MYLK: variants seen among roughly 807,000 people sequenced by gnomAD.
MYLK encodes myosin light chain kinase, also known as myosin light chain kinase, smooth muscle.
In MYLK, 106 loss-of-function variants were observed where a neutral mutation model predicts 203.4. The observed-to-expected ratio is 0.52, with a 90% CI of 0.45 to 0.61. The LOEUF (loss-of-function observed/expected upper bound fraction) is 0.61. Ranked by LOEUF, MYLK falls within the 20% of genes least tolerant of loss-of-function variation. The probability of loss-of-function intolerance (pLI) is 0.00; values close to 1 mark genes in which losing one functional copy is unlikely to be tolerated. For synonymous variants in MYLK, 867 were observed against 959.5 expected (o/e 0.90, Z 1.78); for missense variants, 2,072 against 2,442.3 (o/e 0.85, Z 3.20).
At position 123,794,146 on chromosome 3, in the gene MYLK, G is replaced by A. The variant is rs573203396; in HGVS notation, c.-3-302C>T. On this transcript the variant is annotated intron_variant, in intron 3 of 33. Transcript: ENST00000360304. ...TTCACTGACCCCTTCTTCTAGGAAA[G>A]GGGAAGCTGGGGACAAGAATGGAGA... Among the ~76,000 whole-genome samples the A allele has an allele frequency of 3.9e-5, 6 of 152,374 alleles. No individual in the cohort carries two copies. In the South Asian group the frequency reaches 1.2e-3, roughly 32 times the overall value.
At chr3:123,787,988 C>G (rs1251114890) in intron 4 of MYLK, among the ~76,000 whole-genome samples, 1 of 152,210 alleles carries the variant, frequency 6.6e-6, no homozygotes, top group Non-Finnish European at 1.5e-5. Flanking sequence ...GGAGACAAGG[C>G]TGGAGGGTGA....
chr3:123,668,928 A>G (rs1342227600), intron 20 of MYLK, among the ~76,000 whole-genome samples: 2 of 152,218 alleles, frequency 1.3e-5, no homozygotes, highest in Non-Finnish European at 2.9e-5. Flanking sequence ...GGCCTGGCAC[A>G]CAATAACGAT....
chr3:123,623,941 T>G (rs1224870242), intron 31 of MYLK: 1 of 152,206 alleles, frequency 6.6e-6, no homozygotes, highest in Non-Finnish European at 1.5e-5. Context: ...TACTAAAATA[T>G]AAAATTAAGG....
intron 3 of MYLK, among the ~76,000 whole-genome samples, chr3:123,819,563 AG>A (rs1425981060): frequency 1.3e-5 from 2 of 152,220 alleles, no homozygotes; most frequent in Non-Finnish European, 2.9e-5. Context: ...GACCCTTCAC[AG>A]CTATTAGCAA....
intron 2 of MYLK, among the ~76,000 whole-genome samples, chr3:123,842,990 A>T (rs2066630151): frequency 6.6e-6 from 1 of 152,166 alleles, no homozygotes; most frequent in African/African-American, 2.4e-5. Context: ...GAACCCACAC[A>T]CTCTGATATT....
At chr3:123,697,612 C>T (rs1360959097) in intron 18 of MYLK, among the ~76,000 whole-genome samples, 1 of 152,176 alleles carries the variant, frequency 6.6e-6, no homozygotes, top group African/African-American at 2.4e-5. Flanking sequence ...TTGCATTTGG[C>T]AAGGTACTTA....
chr3:123,656,242 A>G (rs1016849964), intron 24 of MYLK, among the ~76,000 whole-genome samples: 4 of 152,172 alleles, frequency 2.6e-5, no homozygotes, highest in African/African-American at 7.2e-5. Flanking sequence ...TCTGCTTGCT[A>G]AGAAGCTCCC....
intron 31 of MYLK, 113 bp downstream of exon 31, chr3:123,626,705 G>A: frequency 6.5e-7 from 1 of 1,528,912 alleles, no homozygotes; most frequent in Non-Finnish European, 9.0e-7. Context: ...GACTACTTCA[G>A]AAATAAATTT....
In MYLK at chr3:123,629,890, C is replaced by T. The variant is rs1281309070; in HGVS notation, c.4962-264G>A. ...CAGGTTGGCTTTAGATTACGGGCTT[C>T]TGCAGGGTACGCGGCAGGGCTGATA... On this transcript the variant is annotated intron_variant, in intron 29 of 33. Coordinates refer to ENST00000360304, the MANE Select transcript of MYLK (RefSeq NM_053025.4). This position sits in a 1 kb window ranked among gnomAD's most constrained non-coding sequence, Gnocchi z 4.4. 1.2e-5 allele frequency: 6 copies of T among 509,014 alleles called. No individual in the cohort carries two copies. Among genetic ancestry groups the T allele is most frequent in the Non-Finnish European group, 3.6e-6 (1 of 279,654 alleles). The allele number at this position is 509,014 out of a possible 1,614,324, so 31.5% of individuals were successfully genotyped here.
At chr3:123,696,721 C>A (rs766955956) in intron 18 of MYLK, among the ~76,000 whole-genome samples, 5 of 151,562 alleles carry the variant, frequency 3.3e-5, no homozygotes, top group Non-Finnish European at 5.9e-5. Context: ...CTAGGCCTCA[C>A]CATCTTCCTC....
chr3:123,760,449 A>G, intron 4 of MYLK, among the ~76,000 whole-genome samples: 1 of 152,228 alleles, frequency 6.6e-6, no homozygotes, highest in South Asian at 2.1e-4. Flanking sequence ...AAGTGCTGGG[A>G]TTACAGGCAT....
intron 2 of MYLK, among the ~76,000 whole-genome samples, chr3:123,837,512 A>T (rs1172928053): frequency 6.8e-6 from 1 of 147,642 alleles, no homozygotes; most frequent in African/African-American, 2.5e-5. Flanking sequence ...TATTACATAT[A>T]ATATATAATT....
intron 3 of MYLK, chr3:123,814,218 A>G: frequency 4.1e-6 from 1 of 243,744 alleles, no homozygotes; most frequent in Non-Finnish European, 8.3e-6. Context: ...AGCCTCTAGA[A>G]AAACAAAAGA....
At chr3:123,729,267 A>C (rs910276735) in intron 11 of MYLK, among the ~76,000 whole-genome samples, 4 of 152,252 alleles carry the variant, frequency 2.6e-5, no homozygotes, top group Non-Finnish European at 4.4e-5. Flanking sequence ...GAAAAGTATT[A>C]GTTCAAGGCA....
Position 123,700,826 on chromosome 3 carries a change from T to C in MYLK, c.2642A>G (p.Gln881Arg). ...GVLKRRVETR[Q>R]HTEEAIRQQE... ...CTGGCGGATCGCCTCCTCAGTGTGCTGCCTCGTCTCCACGCGCCTCTTCAG... is the reference window on the plus strand; with the variant it reads ...CTGGCGGATCGCCTCCTCAGTGTGCCGCCTCGTCTCCACGCGCCTCTTCAG... The change falls in exon 18 of 34, where the codon CAG (glutamine) becomes CGG (arginine). Residue 881 changes from glutamine to arginine, a missense_variant. Physicochemically the swap from Gln to Arg is conservative, Grantham distance 43. This residue lies in a region of MYLK where 865 missense variants were observed against 1,016.0 expected (regional missense o/e 0.85). Transcript: ENST00000360304. 6.2e-7 allele frequency: 1 copy of C among 1,614,178 alleles called. No individual in the cohort carries two copies. The highest frequency in any genetic ancestry group is 8.5e-7 in the Non-Finnish European group (1 of 1,180,040).
chr3:123,663,168 A>C (rs1041986422), intron 23 of MYLK, among the ~76,000 whole-genome samples: 2 of 152,166 alleles, frequency 1.3e-5, no homozygotes, highest in Non-Finnish European at 2.9e-5. Flanking sequence ...ACATGACAAC[A>C]GCGGGAGACT....
chr3:123,735,330 T>C, intron 9 of MYLK, 68 bp downstream of exon 9: 1 of 1,593,092 alleles, frequency 6.3e-7, no homozygotes, highest in Middle Eastern at 1.7e-4. Flanking sequence ...ATTCAGGGCA[T>C]TTCTCGGTAA....
At chr3:123,883,915 C>T (rs989173813) in intron 1 of MYLK, among the ~76,000 whole-genome samples, 11 of 152,128 alleles carry the variant, frequency 7.2e-5, no homozygotes, top group Admixed American at 3.9e-4. Context: ...GGGTCCGCTT[C>T]TCCTCCGCCC....
At chr3:123,839,204 T>C (rs968237732) in intron 2 of MYLK, among the ~76,000 whole-genome samples, 1 of 152,180 alleles carries the variant, frequency 6.6e-6, no homozygotes, top group Non-Finnish European at 1.5e-5. Context: ...GTAGTTTTAA[T>C]CCAATCATAT....
Sources: gnomAD v4.1 joint callset for allele counts (sites outside exome capture counted in the v4.1 genomes callset) on GRCh38, gnomAD v4.1.1 for gene constraint, gnomAD v4.1.1 regional missense constraint, Gnocchi (gnomAD v3.1) non-coding constraint, MANE v1.5 for transcripts, NCBI Gene and HGNC (gene_info 2026-07-23, HGNC 2026-07-21) for gene names.